TRMT2B: variants seen among roughly 807,000 people sequenced by gnomAD.
The protein encoded by TRMT2B is tRNA (uracil-5-)-methyltransferase homolog B.
A neutral mutation model predicts 39.7 loss-of-function variants in TRMT2B; 34 were observed. The observed-to-expected ratio is 0.86, with a 90% CI of 0.65 to 1.14. The LOEUF (loss-of-function observed/expected upper bound fraction) is 1.14. TRMT2B is among the 50% of genes most tolerant of loss of function. TRMT2B has a pLI of 0.00. For synonymous variants in TRMT2B, 132 were observed against 137.3 expected (o/e 0.96, Z 0.27); for missense variants, 318 against 377.2 (o/e 0.84, Z 1.30).
At chrX:101,030,451 A>ATTATTTTTTTTT (rs1248355991) in intron 7 of TRMT2B, among the ~76,000 whole-genome samples, 1 of 46,566 alleles carries the variant, frequency 2.1e-5, no homozygotes. Context: ...ATAGATCTGC[A>ATTATTTTTTTTT]TTCTTTTTTT....
intron 7 of TRMT2B, among the ~76,000 whole-genome samples, chrX:101,032,904 A>C: frequency 9.0e-6 from 1 of 110,699 alleles, no homozygotes; most frequent in African/African-American, 3.3e-5. Context: ...CTTCAACTGA[A>C]GCTTTTGAGA....
chrX:100,977,653 T>TTA, the TRMT2B span, among the ~76,000 whole-genome samples: 7 of 111,734 alleles, frequency 6.3e-5, no homozygotes, highest in Admixed American at 1.9e-4. Flanking sequence ...AGTGCTGGGA[T>TTA]TATAGGCATG....
intron 2 of TRMT2B, among the ~76,000 whole-genome samples, chrX:101,044,249 G>GAAAAA (rs35472826): frequency 1.4e-4 from 6 of 43,531 alleles, no homozygotes; most frequent in Non-Finnish European, 1.7e-4. Context: ...CTCAAAAAGA[G>GAAAAA]AAAAAAAAAA....
At chrX:101,050,355 GTTTC>G (rs199686193) in intron 2 of TRMT2B, among the ~76,000 whole-genome samples, 1 of 112,387 alleles carries the variant, frequency 8.9e-6, no homozygotes, top group Non-Finnish European at 1.9e-5. Context: ...GGTGAGTTCT[GTTTC>G]TTTCTTAATG....
At chrX:101,047,278 A>G (rs1156923839) in intron 2 of TRMT2B, among the ~76,000 whole-genome samples, 1 of 111,328 alleles carries the variant, frequency 9.0e-6, no homozygotes, top group East Asian at 2.8e-4. Flanking sequence ...GCAGAGTCCA[A>G]CACCTGGCAA....
chrX:101,018,489 C>T (rs1174250505), intron 13 of TRMT2B, among the ~76,000 whole-genome samples: 1 of 105,950 alleles, frequency 9.4e-6, no homozygotes, highest in South Asian at 4.4e-4. Context: ...GTCGCCCAGG[C>T]TGGAGTGCAA....
rs1374068064 is a variant in TRMT2B, at chrX:101,051,037, G to A, written c.-24+214C>T. Among the ~76,000 whole-genome samples, 9 of 106,776 alleles carry A rather than the reference G, an allele frequency of 8.4e-5. No homozygotes were observed. The East Asian group carries it at 2.6e-3, about 31-fold the overall frequency. The allele number at this position is 106,776 out of a possible 115,157, so 92.7% of individuals were successfully genotyped here. On this transcript the variant is annotated intron_variant, in intron 2 of 13. Transcript: ENST00000372936. ...AGCCTGGGTGACAAAGCTAGACTCCGTCTCAAACAAATAAAAAATAAAAAT... is the reference window on the plus strand; with the variant it reads ...AGCCTGGGTGACAAAGCTAGACTCCATCTCAAACAAATAAAAAATAAAAAT...
At chrX:100,984,274 C>T in the TRMT2B span, among the ~76,000 whole-genome samples, 2 of 108,911 alleles carry the variant, frequency 1.8e-5, no homozygotes, top group Non-Finnish European at 3.8e-5. Flanking sequence ...CCACCGCACC[C>T]GGCTAAGTTG....
chrX:100,994,560 G>A, the TRMT2B span, among the ~76,000 whole-genome samples: 273 of 111,702 alleles, frequency 2.4e-3, no homozygotes, highest in African/African-American at 8.6e-3. Context: ...TGTCATTCAT[G>A]TGTTAGGTCT....
the TRMT2B span, chrX:100,985,980 G>T: frequency 8.8e-7 from 1 of 1,132,626 alleles, no homozygotes; most frequent in Non-Finnish European, 1.2e-6. Context: ...GTATAGAAAT[G>T]AAGGGTGGGG....
At position 101,020,588 on chromosome X, in the gene TRMT2B, C is replaced by T. The variant is rs1167242652; in HGVS notation, c.1067G>A (p.Gly356Asp). Residue 356 changes from glycine to aspartate, a missense_variant and splice_region_variant, in exon 11 of 14, where the codon GGT becomes GAT. Gly to Asp is a moderately conservative substitution (Grantham distance 94, BLOSUM62 -1). Transcript: ENST00000372936. ...TILLDICCGTGVIGLSLAQHT... is the reference protein window; with the variant it reads ...TILLDICCGTDVIGLSLAQHT... ...CTGAGCCAGAGAGAGGCCAATCACA[C>T]CTGAAGAAGTAAACGAGAAGAAGAA... The T allele has an allele frequency of 2.5e-6, 3 of 1,183,951 alleles. No individual in the cohort carries two copies. In the African/African-American group the frequency reaches 5.3e-5, roughly 21 times the overall value.
At chrX:100,985,881 G>A in the TRMT2B span, 1 of 1,209,108 alleles carries the variant, frequency 8.3e-7, no homozygotes, top group Non-Finnish European at 1.1e-6. Flanking sequence ...CACATCTGCT[G>A]TCCGATAAAA....
In TRMT2B at chrX:101,020,519, A is replaced by G; in HGVS notation, c.1136T>C (p.Val379Ala). 5 of 1,210,896 alleles carry G rather than the reference A, an allele frequency of 4.1e-6. No homozygotes were observed. Among genetic ancestry groups the G allele is most frequent in the Non-Finnish European group, 5.6e-6 (5 of 894,780 alleles). ...VLGIELLEQA[V>A]EDARWTAAFN... ...GGCTGCAGTCCATCTTGCATCCTCCACTGCCTGCTCCAACAATTCAATCCC... is the reference window on the plus strand; with the variant it reads ...GGCTGCAGTCCATCTTGCATCCTCCGCTGCCTGCTCCAACAATTCAATCCC... The change falls in exon 11 of 14, where the codon GTG (valine) becomes GCG (alanine). Residue 379 changes from valine to alanine, a missense_variant. Val to Ala is a moderately conservative substitution (Grantham distance 64). Coordinates refer to ENST00000372936, the MANE Select transcript of TRMT2B (RefSeq NM_024917.6).
intron 3 of TRMT2B, 109 bp from the exon 4 acceptor site, chrX:101,041,480 G>A: frequency 2.8e-6 from 2 of 708,867 alleles, no homozygotes; most frequent in Non-Finnish European, 4.2e-6. Flanking sequence ...CTAGGGAGAT[G>A]GAGTCTGGGA....
the TRMT2B span, chrX:100,974,327 T>A: frequency 2.1e-6 from 1 of 483,060 alleles, no homozygotes; most frequent in Non-Finnish European, 3.7e-6. Flanking sequence ...AAACACCTCC[T>A]AACACACACG....
chrX:100,985,116 C>T, the TRMT2B span, among the ~76,000 whole-genome samples: 1 of 111,849 alleles, frequency 8.9e-6, no homozygotes, highest in Admixed American at 9.5e-5. Context: ...TAGGCATTAA[C>T]TAAGCAAAGA....
At chrX:101,027,553 C>T (rs2087185122) in intron 7 of TRMT2B, among the ~76,000 whole-genome samples, 1 of 110,334 alleles carries the variant, frequency 9.1e-6, no homozygotes, top group Non-Finnish European at 1.9e-5. Context: ...CTTACAACCT[C>T]ACTGACCGTT....
the TRMT2B span, chrX:100,987,317 A>G: frequency 1.9e-6 from 2 of 1,064,295 alleles, no homozygotes; most frequent in Non-Finnish European, 2.5e-6. Context: ...TCTTTGAATG[A>G]GAGTGACTGG....
At chrX:101,037,809 A>G in intron 5 of TRMT2B, 108 bp downstream of exon 5, 1 of 794,357 alleles carries the variant, frequency 1.3e-6, no homozygotes, top group African/African-American at 2.1e-5. Context: ...ATGCATGATA[A>G]TAATTTAGCA....
Sources: allele counts gnomAD v4.1 joint callset (sites outside exome capture counted in the v4.1 genomes callset), GRCh38; gene constraint gnomAD v4.1.1; transcripts MANE v1.5; gene names NCBI Gene and HGNC (gene_info 2026-07-23, HGNC 2026-07-21).